Variants in OCIAD1 observed in about 807,000 individuals in gnomAD.
OCIAD1 encodes the protein OCIA domain containing 1, also known as OCIA domain-containing protein 1.
Under a neutral mutation model 38.9 loss-of-function variants are expected in OCIAD1, and 29 were observed. The ratio of observed to expected loss-of-function variants is 0.74; its 90% CI spans 0.55 to 1.02. OCIAD1 has a LOEUF of 1.02. Among genes scored for constraint, OCIAD1 ranks in the 50% least tolerant of loss-of-function variants. The probability of loss-of-function intolerance (pLI) is 0.00; values close to 1 mark genes in which losing one functional copy is unlikely to be tolerated. For synonymous variants in OCIAD1, 110 were observed against 92.0 expected (o/e 1.20, Z -1.12); for missense variants, 288 against 289.6 (o/e 0.99, Z 0.04).
At position 48,810,894 on chromosome 4, in the gene OCIAD1, CTTTTTTT is replaced by C. The variant is rs869120091; in HGVS notation, c.-103+5577_-103+5583del. ...AATTTTCTTTTTTCTTTCTTTCTTT[CTTTTTTT>C]TTTTTTTTTTTTGAGACGGAGTCTC... On this transcript the variant is annotated intron_variant, in intron 1 of 6. Coordinates refer to the OCIAD1 transcript ENST00000504654. Among the ~76,000 whole-genome samples, 21 of 64,242 alleles carry C rather than the reference CTTTTTTT, an allele frequency of 3.3e-4. No homozygotes were observed. In the South Asian group the frequency reaches 0.011, roughly 34 times the overall value. The allele number at this position is 64,242 out of a possible 152,430, so 42.1% of individuals were successfully genotyped here. A position where few individuals can be genotyped will look rare whatever the true frequency, so the allele number is the denominator to read the frequency against.
intron 1 of OCIAD1, among the ~76,000 whole-genome samples, chr4:48,825,295 C>CATGCATCCAGGGTATCTAGGGT (rs1182757294): frequency 1.3e-5 from 2 of 152,190 alleles, no homozygotes; most frequent in African/African-American, 4.8e-5. Context: ...CCTGCCATCC[C>CATGCATCCAGGGTATCTAGGGT]ATGCATCCAG....
At chr4:48,850,423 C>A (rs1171275014) in intron 6 of OCIAD1, among the ~76,000 whole-genome samples, 2 of 152,106 alleles carry the variant, frequency 1.3e-5, no homozygotes, top group Non-Finnish European at 2.9e-5. Flanking sequence ...CTGCACCCAG[C>A]TAATTAAAAA....
At chr4:48,818,066 C>G (rs932090939) in intron 1 of OCIAD1, among the ~76,000 whole-genome samples, 1 of 152,216 alleles carries the variant, frequency 6.6e-6, no homozygotes, top group Non-Finnish European at 1.5e-5. Context: ...AGTGCACCAG[C>G]TCTTCTAAGG....
intron 3 of OCIAD1, among the ~76,000 whole-genome samples, chr4:48,836,456 A>G (rs1488578314): frequency 6.6e-6 from 1 of 152,242 alleles, no homozygotes; most frequent in Non-Finnish European, 1.5e-5. Context: ...ATGGTGCAAC[A>G]TTCGATTGTC....
intron 3 of OCIAD1, among the ~76,000 whole-genome samples, chr4:48,836,887 G>A (rs796196912): frequency 3.3e-5 from 5 of 152,306 alleles, no homozygotes; most frequent in African/African-American, 9.6e-5. Flanking sequence ...TAACTGGAAC[G>A]AGTTGAGAAT....
At chr4:48,847,769 A>G (rs1291805065) in intron 4 of OCIAD1, among the ~76,000 whole-genome samples, 3 of 152,200 alleles carry the variant, frequency 2.0e-5, no homozygotes, top group Non-Finnish European at 2.9e-5. Context: ...CTTAATTACT[A>G]CAGCTTTATC....
intron 1 of OCIAD1, among the ~76,000 whole-genome samples, chr4:48,816,659 G>A (rs1446476451): frequency 1.3e-5 from 2 of 152,018 alleles, no homozygotes; most frequent in African/African-American, 2.4e-5. Flanking sequence ...CTTCTTAACT[G>A]TTTATTATTA....
chr4:48,811,545 C>T lies in OCIAD1; in HGVS notation c.-103+6215C>T, dbSNP rs540160087. Among the ~76,000 whole-genome samples the T allele has an allele frequency of 1.0e-3, 154 of 152,344 alleles. 1 individual carries two copies. The highest frequency in any genetic ancestry group is 4.1e-3 in the South Asian group (20 of 4,826). On this transcript the variant is annotated intron_variant, in intron 1 of 6. Coordinates refer to the OCIAD1 transcript ENST00000504654. The stretch of plus-strand genomic sequence containing the variant: ...GCTCTATGTAATTGCTCTCAGATAT[C>T]TGCATAATACAATTCACCATTACTG...
chr4:48,857,152 T>C (rs1404043872), intron 7 of OCIAD1, 61 bp from the exon 8 acceptor site: 1 of 1,028,332 alleles, frequency 9.7e-7, no homozygotes, highest in Non-Finnish European at 1.3e-6. Flanking sequence ...TTGTAAAATT[T>C]AGTTGCTTTA....
intron 1 of OCIAD1, among the ~76,000 whole-genome samples, chr4:48,820,847 C>T (rs1376470192): frequency 2.0e-5 from 3 of 152,052 alleles, no homozygotes; most frequent in Non-Finnish European, 1.5e-5. Context: ...AAGACTAACC[C>T]AGGAAGAAGT....
At chr4:48,832,020 T>C (rs1474368551) in intron 1 of OCIAD1, among the ~76,000 whole-genome samples, 1 of 152,228 alleles carries the variant, frequency 6.6e-6, no homozygotes, top group Non-Finnish European at 1.5e-5. Context: ...TCTTGGAATT[T>C]TATGCATTTT....
intron 7 of OCIAD1, among the ~76,000 whole-genome samples, chr4:48,852,968 GC>G (rs562121331): frequency 4.3e-5 from 6 of 138,992 alleles, no homozygotes; most frequent in South Asian, 2.4e-4. Flanking sequence ...TGCAACCTCC[GC>G]CCCCCCAGCT....
At chr4:48,813,830 G>A (rs968855343) in intron 1 of OCIAD1, among the ~76,000 whole-genome samples, 10 of 152,118 alleles carry the variant, frequency 6.6e-5, no homozygotes, top group African/African-American at 2.4e-4. Context: ...TTCTTAAGAG[G>A]AGCTCGTGAA....
chr4:48,814,872 A>C (rs2109490502), intron 1 of OCIAD1, among the ~76,000 whole-genome samples: 1 of 152,324 alleles, frequency 6.6e-6, no homozygotes, highest in East Asian at 1.9e-4. Context: ...TCATATTCAT[A>C]CTGACACATG....
chr4:48,829,583 T>C (rs1222236982), upstream of OCIAD1, among the ~76,000 whole-genome samples: 6 of 152,122 alleles, frequency 3.9e-5, no homozygotes, highest in Non-Finnish European at 7.4e-5. Flanking sequence ...GGAGAGTGAC[T>C]GGGGTGCCAT....
intron 8 of OCIAD1, among the ~76,000 whole-genome samples, chr4:48,859,221 T>TA (rs3840110): frequency 0.51 from 77,253 of 151,670 alleles, 20,021 homozygotes; most frequent in South Asian, 0.6. Context: ...ATTATTGATG[T>TA]AAAAAAAATC....
chr4:48,859,221 T>TAA (rs3840110), intron 8 of OCIAD1, among the ~76,000 whole-genome samples: 14 of 151,770 alleles, frequency 9.2e-5, no homozygotes, highest in African/African-American at 2.2e-4. Context: ...ATTATTGATG[T>TAA]AAAAAAAATC....
intron 1 of OCIAD1, among the ~76,000 whole-genome samples, chr4:48,831,847 G>A (rs1777535589): frequency 6.6e-6 from 1 of 152,126 alleles, no homozygotes; most frequent in African/African-American, 2.4e-5. Context: ...CTCAGTTGCT[G>A]TCCTCATTGT....
At chr4:48,817,575 A>G (rs1777155563) in intron 1 of OCIAD1, among the ~76,000 whole-genome samples, 1 of 152,220 alleles carries the variant, frequency 6.6e-6, no homozygotes, top group African/African-American at 2.4e-5. Context: ...CCAGTGAGAC[A>G]GAATTGTTTA....
Sources: gnomAD v4.1 joint callset for allele counts (sites outside exome capture counted in the v4.1 genomes callset) on GRCh38, gnomAD v4.1.1 for gene constraint, MANE v1.5 for transcripts, NCBI Gene and HGNC (gene_info 2026-07-23, HGNC 2026-07-21) for gene names.